SPEN: variants seen among roughly 807,000 people sequenced by gnomAD.
The protein encoded by SPEN is msx2-interacting protein.
In SPEN, 18 loss-of-function variants were observed where a neutral mutation model predicts 269.9. The observed-to-expected ratio is 0.07, with a 90% confidence interval of 0.05 to 0.10. The LOEUF (loss-of-function observed/expected upper bound fraction) is 0.10. Among genes scored for constraint, SPEN ranks in the 10% least tolerant of loss-of-function variants. SPEN has a pLI of 1.00. For synonymous variants in SPEN, 1,726 were observed against 1,765.7 expected (o/e 0.98, Z 0.56); for missense variants, 3,822 against 4,631.2 (o/e 0.83, Z 5.07).
chr1:15,896,095 A>C (rs1025611334), intron 3 of SPEN, among the ~76,000 whole-genome samples: 2 of 148,300 alleles, frequency 1.3e-5, no homozygotes, highest in Non-Finnish European at 3.0e-5. Flanking sequence ...TATTTTAATG[A>C]TTTTTTTCCT....
chr1:15,938,581 T>C (rs1359905413), intron 13 of SPEN, 137 bp from the exon 14 acceptor site: 99 of 449,438 alleles, frequency 2.2e-4, no homozygotes, highest in Non-Finnish European at 3.2e-4. Context: ...TTTTTTTTTT[T>C]TTTCATTCAA....
chr1:15,938,825 G>C lies in SPEN; in HGVS notation c.10812G>C (p.Gln3604His). 6.2e-7 allele frequency: 1 copy of C among 1,614,136 alleles called. No homozygotes were observed. The highest frequency in any genetic ancestry group is 8.5e-7 in the Non-Finnish European group (1 of 1,180,034). ...SLKAAFITYL[Q>H]AKQAAGIINV... is the part of the protein sequence containing the mutation. ...AGGCTGCCTTCATCACTTACCTGCA[G>C]GCCAAGCAGGCGGCAGGGATCATCA... Residue 3604 changes from glutamine to histidine, a missense_variant, in exon 14 of 15, where the codon CAG becomes CAC. By Grantham distance (24) the Gln-to-His change is conservative. Transcript: ENST00000375759.
intron 3 of SPEN, among the ~76,000 whole-genome samples, chr1:15,895,173 C>T (rs548951839): frequency 2.6e-5 from 4 of 152,120 alleles, no homozygotes; most frequent in Admixed American, 6.6e-5. Context: ...CCGCCCGCCT[C>T]GGCCTCCCAA....
chr1:15,878,488 G>A (rs373191824), intron 3 of SPEN, among the ~76,000 whole-genome samples: 22 of 152,284 alleles, frequency 1.4e-4, no homozygotes, highest in East Asian at 7.7e-4. Context: ...CTTTCAAGCC[G>A]TGTGACATGG....
At chr1:15,890,006 C>T (rs1026353826) in intron 3 of SPEN, among the ~76,000 whole-genome samples, 1 of 152,116 alleles carries the variant, frequency 6.6e-6, no homozygotes, top group Non-Finnish European at 1.5e-5. Context: ...TGAGCCACCG[C>T]ACCCGGCCTA....
Position 15,929,028 on chromosome 1 carries a change from T to C in SPEN, c.2788T>C (p.Ser930Pro), listed in dbSNP as rs2071195748. ...GACGGAGCCTGCAAAATCTGACTTG[T>C]CTAAACTGGAATCAGTTAGAATGAA... ...SQTEPAKSDL[S>P]KLESVRMKVP... The change falls in exon 11 of 15, where the codon TCT (serine) becomes CCT (proline). Residue 930 changes from serine to proline, a missense_variant. Ser to Pro is a moderately conservative substitution (Grantham distance 74). This residue lies in a region of SPEN where 572 missense variants were observed against 582.6 expected (regional missense o/e 0.98). Coordinates refer to ENST00000375759, the MANE Select transcript of SPEN (RefSeq NM_015001.3). This position sits in a 1 kb window ranked among gnomAD's most constrained non-coding sequence, Gnocchi z 5.8. 1.9e-6 allele frequency: 3 copies of C among 1,614,162 alleles called. No homozygotes were observed. The highest frequency in any genetic ancestry group is 2.5e-6 in the Non-Finnish European group (3 of 1,180,034).
At chr1:15,870,579 G>C (rs2070563122) in intron 1 of SPEN, among the ~76,000 whole-genome samples, 1 of 152,208 alleles carries the variant, frequency 6.6e-6, no homozygotes, top group African/African-American at 2.4e-5. Context: ...CTTGCTTCAA[G>C]AATGACTCAG....
chr1:15,890,081 A>T (rs1349254656), intron 3 of SPEN, among the ~76,000 whole-genome samples: 2 of 152,186 alleles, frequency 1.3e-5, no homozygotes, highest in Non-Finnish European at 2.9e-5. Flanking sequence ...TAGACAAAAC[A>T]GTAAGTGAAA....
In SPEN at chr1:15,938,563, AGCTTT is replaced by A. The variant is rs910081282; in HGVS notation, c.10705-154_10705-150del. ...AATCAGCTTTCTCAGGTTGAAAAAA[AGCTTT>A]TTTTTTTTTTTTTTTTCATTCAAAT... On this transcript the variant is annotated intron_variant, in intron 13 of 14. Coordinates refer to ENST00000375759, the MANE Select transcript of SPEN (RefSeq NM_015001.3). 3.6e-4 allele frequency: 209 copies of A among 577,262 alleles called. 1 individual carries two copies. In the African/African-American group the frequency reaches 4.0e-3, roughly 11 times the overall value. 35.8% of individuals were successfully genotyped at this position (577,262 alleles called of 1,614,324 possible).
chr1:15,933,532 T>A lies in SPEN; in HGVS notation c.7292T>A (p.Leu2431His), dbSNP rs1253652211. Residue 2431 changes from leucine (L) to histidine (H), a missense_variant, in exon 11 of 15, where the codon CTT becomes CAT. Coordinates refer to ENST00000375759, the MANE Select transcript of SPEN (RefSeq NM_015001.3). This position sits in a 1 kb window ranked among gnomAD's most constrained non-coding sequence, Gnocchi z 5.7. ...ACCAAAGCATCTGTGCCCCCAGACC[T>A]TCCCCCACCTCCCCAGCCAGCACCG... The part of the protein sequence containing the change: ...TPTKASVPPD[L>H]PPPPQPAPVD... 2 of 1,613,744 alleles carry A rather than the reference T, an allele frequency of 1.2e-6. No individual in the cohort carries two copies. The highest frequency in any genetic ancestry group is 4.5e-5 in the East Asian group (2 of 44,872).
intron 5 of SPEN, among the ~76,000 whole-genome samples, chr1:15,914,976 T>C (rs958841147): frequency 6.6e-6 from 1 of 152,200 alleles, no homozygotes; most frequent in African/African-American, 2.4e-5. Flanking sequence ...GACAGTTGAT[T>C]TATTGTGTTA....
intron 10 of SPEN, among the ~76,000 whole-genome samples, chr1:15,927,013 G>A (rs1004412136): frequency 6.6e-6 from 1 of 152,202 alleles, no homozygotes; most frequent in East Asian, 1.9e-4. Context: ...TTCTTTCAGC[G>A]AGCTACTAAT....
chr1:15,849,985 G>A (rs1306034806), intron 1 of SPEN, among the ~76,000 whole-genome samples: 1 of 152,152 alleles, frequency 6.6e-6, no homozygotes, highest in Non-Finnish European at 1.5e-5. Context: ...AGATTCCAGA[G>A]ACATTGCATG....
chr1:15,929,962 G>A lies in SPEN; in HGVS notation c.3722G>A (p.Arg1241Gln), dbSNP rs946222935. Reference sequence around the variant, plus strand: ...GTCGATTTTGATATCTGCACCAAGCGAGAACGGAATTACAGAAGTTCACGC... The same window carrying A: ...GTCGATTTTGATATCTGCACCAAGCAAGAACGGAATTACAGAAGTTCACGC... ...DHVDFDICTK[R>Q]ERNYRSSRQI... The change falls in exon 11 of 15, where the codon CGA becomes CAA. Residue 1241 changes from arginine (R) to glutamine (Q), a missense_variant. Coordinates refer to ENST00000375759, the MANE Select transcript of SPEN (RefSeq NM_015001.3). This position sits in a 1 kb window ranked among gnomAD's most constrained non-coding sequence, Gnocchi z 5.8. The A allele has an allele frequency of 3.7e-6, 6 of 1,614,130 alleles. No individual in the cohort carries two copies. The highest frequency in any genetic ancestry group is 1.3e-5 in the African/African-American group (1 of 75,058).
chr1:15,884,939 C>G (rs1471047042), intron 3 of SPEN, among the ~76,000 whole-genome samples: 9 of 151,998 alleles, frequency 5.9e-5, no homozygotes, highest in Non-Finnish European at 1.3e-4. Context: ...GTTGACCACC[C>G]AGGCTAGTTT....
intron 3 of SPEN, among the ~76,000 whole-genome samples, chr1:15,883,848 C>T (rs375494107): frequency 2.3e-3 from 273 of 118,056 alleles, no homozygotes; most frequent in Non-Finnish European, 2.8e-3. Flanking sequence ...CTTGTTCTGT[C>T]GCCCAGGCTG....
intron 1 of SPEN, among the ~76,000 whole-genome samples, chr1:15,855,717 G>A (rs779656284): frequency 1.3e-4 from 20 of 151,784 alleles, no homozygotes; most frequent in Non-Finnish European, 2.6e-4. Context: ...CAAAAAATTA[G>A]CCTGGCATGG....
rs188457923 is a variant in SPEN, at chr1:15,875,399, A to G, written c.405-803A>G. On this transcript the variant is annotated intron_variant, in intron 2 of 14. Transcript: ENST00000375759. The stretch of plus-strand genomic sequence containing the variant: ...AAGCCAAAAGAACATATTTCCTACA[A>G]CCATTGAGTTTATACATTAAGAAAT... Among the ~76,000 whole-genome samples the G allele has an allele frequency of 3.6e-3, 554 of 152,284 alleles. 2 individuals are homozygous for G. The highest frequency in any genetic ancestry group is 0.013 in the African/African-American group (532 of 41,568).
In SPEN at chr1:15,886,052, G is replaced by A. The variant is rs1337575114; in HGVS notation, c.881+9374G>A. ...GGCATAGCTCTCATAATGGATACCT[G>A]TAAATAGGTCTGTTTCCTTTCTGGA... is the stretch of plus-strand genomic sequence containing the variant. On this transcript the variant is annotated intron_variant, in intron 3 of 14. Coordinates refer to ENST00000375759, the MANE Select transcript of SPEN (RefSeq NM_015001.3). 2.0e-5 allele frequency among the ~76,000 whole-genome samples: 3 copies of A among 152,302 alleles called. 1 individual carries two copies. The highest frequency in any genetic ancestry group is 4.1e-4 in the South Asian group (2 of 4,826).
Sources: gnomAD v4.1 joint callset for allele counts (sites outside exome capture counted in the v4.1 genomes callset) on GRCh38, gnomAD v4.1.1 for gene constraint, gnomAD v4.1.1 regional missense constraint, Gnocchi (gnomAD v3.1) non-coding constraint, MANE v1.5 for transcripts, NCBI Gene and HGNC (gene_info 2026-07-23, HGNC 2026-07-21) for gene names.